MAGI2: variants seen among roughly 807,000 people sequenced by gnomAD.
The protein encoded by MAGI2 is membrane associated guanylate kinase, WW and PDZ domain containing 2, also known as membrane-associated guanylate kinase, WW and PDZ domain-containing protein 2.
A neutral mutation model predicts 133.3 loss-of-function variants in MAGI2; 35 were observed. That is an observed-to-expected ratio of 0.26 (90% confidence interval 0.20 to 0.35). MAGI2 has a LOEUF of 0.35. MAGI2 is among the 10% of genes least tolerant of loss of function. MAGI2 has a pLI of 1.00. For missense variants in MAGI2, 1,636 were observed against 1,863.4 expected (o/e 0.88, Z 2.25); for synonymous variants, 729 against 710.6 (o/e 1.03, Z -0.41).
intron 1 of MAGI2, among the ~76,000 whole-genome samples, chr7:79,032,631 T>A (rs1810713552): frequency 1.3e-5 from 2 of 152,080 alleles, no homozygotes; most frequent in African/African-American, 4.8e-5. Context: ...TGTTAATTTT[T>A]AAAAATATGT....
intron 2 of MAGI2, among the ~76,000 whole-genome samples, chr7:78,825,789 A>G (rs887721880): frequency 6.6e-6 from 1 of 152,174 alleles, no homozygotes; most frequent in African/African-American, 2.4e-5. Flanking sequence ...ATCTGTAAGC[A>G]ATGGTATTGG....
rs185905210 is a variant in MAGI2 at position 78,641,043 on chromosome 7, C to A, written c.419-13804G>T. On this transcript the variant is annotated intron_variant, in intron 2 of 21. Coordinates refer to ENST00000354212, the MANE Select transcript of MAGI2 (RefSeq NM_012301.4). Reference sequence around the variant, plus strand: ...ATCTGATGGTTTTATAAGATGCTTCCCTGTTTGCTGGTCACTCATTATTCT... The same window carrying A: ...ATCTGATGGTTTTATAAGATGCTTCACTGTTTGCTGGTCACTCATTATTCT... Among the ~76,000 whole-genome samples, 343 of 152,178 alleles carry A rather than the reference C, an allele frequency of 2.3e-3. 2 individuals are homozygous for A. Among genetic ancestry groups the A allele is most frequent in the Non-Finnish European group, 4.1e-3 (280 of 68,002 alleles).
chr7:78,594,721 G>T (rs2150857420), intron 3 of MAGI2, among the ~76,000 whole-genome samples: 1 of 152,250 alleles, frequency 6.6e-6, no homozygotes, highest in Non-Finnish European at 1.5e-5. Context: ...CTCCCAAAGT[G>T]TTGGGATTAC....
chr7:79,373,968 T>G (rs1843216095), intron 1 of MAGI2, among the ~76,000 whole-genome samples: 1 of 152,036 alleles, frequency 6.6e-6, no homozygotes, highest in Non-Finnish European at 1.5e-5. Context: ...TTGTATAATA[T>G]TATGCACCAG....
At position 79,152,838 on chromosome 7, in the gene MAGI2, A is replaced by AT. The variant is rs964793079; in HGVS notation, c.302-145633dup. On this transcript the variant is annotated intron_variant, in intron 1 of 21. Coordinates refer to ENST00000354212, the MANE Select transcript of MAGI2 (RefSeq NM_012301.4). ...GTAGAGCTTATTGTAGAGAACTTTC[A>AT]TCTCTATCTCCAGTTGTAGGATAAA... Among the ~76,000 whole-genome samples, 7 of 152,322 alleles carry AT rather than the reference A, an allele frequency of 4.6e-5. 1 individual carries two copies. In the Middle Eastern group the frequency reaches 0.024, roughly 518 times the overall value.
At chr7:78,729,829 A>G (rs1262130413) in intron 2 of MAGI2, among the ~76,000 whole-genome samples, 3 of 152,212 alleles carry the variant, frequency 2.0e-5, no homozygotes, top group Non-Finnish European at 4.4e-5. Context: ...TTGAGAGACC[A>G]AGAGTTCTGA....
At position 78,805,335 on chromosome 7, in the gene MAGI2, G is replaced by A. The variant is rs981514542; in HGVS notation, c.419-178096C>T. On this transcript the variant is annotated intron_variant, in intron 2 of 21. Transcript: ENST00000354212. Reference sequence around the variant, plus strand: ...ACTAATATTTCTTATTATCACTTATGGGTGCTCATTTAATCATGTTCTTTC... The same window carrying A: ...ACTAATATTTCTTATTATCACTTATAGGTGCTCATTTAATCATGTTCTTTC... Among the ~76,000 whole-genome samples the A allele has an allele frequency of 7.3e-5, 11 of 150,712 alleles. No homozygotes were observed. The South Asian group carries it at 2.3e-3, about 32-fold the overall frequency.
intron 2 of MAGI2, among the ~76,000 whole-genome samples, chr7:78,863,856 A>T (rs1794345378): frequency 6.6e-6 from 1 of 152,040 alleles, no homozygotes; most frequent in South Asian, 2.1e-4. Context: ...TGCCCTTTAT[A>T]CTCCCTTTAA....
intron 10 of MAGI2, among the ~76,000 whole-genome samples, chr7:78,235,954 A>T (rs115988643): frequency 0.015 from 2,240 of 152,038 alleles, 64 homozygotes; most frequent in African/African-American, 0.051. Context: ...AGCAGCACAT[A>T]TTATACTAGA....
At chr7:78,817,142 G>A (rs544803983) in intron 2 of MAGI2, among the ~76,000 whole-genome samples, 25 of 152,260 alleles carry the variant, frequency 1.6e-4, no homozygotes, top group Non-Finnish European at 2.6e-4. Flanking sequence ...CAGATATGGT[G>A]GAAATATCAA....
At chr7:79,416,857 C>T (rs1846566460) in intron 1 of MAGI2, among the ~76,000 whole-genome samples, 1 of 151,192 alleles carries the variant, frequency 6.6e-6, no homozygotes, top group South Asian at 2.1e-4. Flanking sequence ...GCCTTAGCCT[C>T]CCAAGTAGCT....
At chr7:78,539,820 G>A (rs1424587167) in intron 3 of MAGI2, among the ~76,000 whole-genome samples, 1 of 152,162 alleles carries the variant, frequency 6.6e-6, no homozygotes, top group East Asian at 1.9e-4. Flanking sequence ...AGGACTGTGA[G>A]GGTCCTTAGT....
At chr7:78,381,987 A>C (rs1326276408) in intron 6 of MAGI2, among the ~76,000 whole-genome samples, 1 of 152,220 alleles carries the variant, frequency 6.6e-6, no homozygotes, top group Admixed American at 6.5e-5. Context: ...TTAAGCAAAC[A>C]AACAAAGTTA....
chr7:79,193,958 T>TTTTG (rs375098993), intron 1 of MAGI2, among the ~76,000 whole-genome samples: 4,132 of 151,946 alleles, frequency 0.027, 81 homozygotes, highest in East Asian at 0.04. Flanking sequence ...GAAAATCTTT[T>TTTTG]TTTGTTTGTT....
At chr7:79,135,938 C>CGAAAGAAAGAAAGAAAGAAA (rs869064064) in intron 1 of MAGI2, among the ~76,000 whole-genome samples, 5 of 63,062 alleles carry the variant, frequency 7.9e-5, no homozygotes, top group African/African-American at 3.6e-4. Flanking sequence ...AAAATCCTCT[C>CGAAAGAAAGAAAGAAAGAAA]GAAAGAAAGA....
chr7:79,254,630 G>A (rs1387792952), intron 1 of MAGI2, among the ~76,000 whole-genome samples: 2 of 152,150 alleles, frequency 1.3e-5, no homozygotes, highest in Non-Finnish European at 2.9e-5. Context: ...GAACAAAAAT[G>A]CCACCTTAAT....
chr7:78,297,892 G>A (rs1408235381), intron 9 of MAGI2, among the ~76,000 whole-genome samples: 1 of 148,594 alleles, frequency 6.7e-6, no homozygotes, highest in Non-Finnish European at 1.5e-5. Flanking sequence ...GCTAGGTGAC[G>A]AGTTAGTGGG....
intron 12 of MAGI2, among the ~76,000 whole-genome samples, chr7:78,191,140 AC>A (rs1182634892): frequency 6.6e-6 from 1 of 152,114 alleles, no homozygotes; most frequent in Non-Finnish European, 1.5e-5. Flanking sequence ...ATTGATTAAA[AC>A]TTTTTTAGGG....
At chr7:78,073,924 G>T (rs1343680375) in intron 21 of MAGI2, among the ~76,000 whole-genome samples, 1 of 152,180 alleles carries the variant, frequency 6.6e-6, no homozygotes, top group Non-Finnish European at 1.5e-5. Flanking sequence ...TGTATCAGGG[G>T]AGGGGAACTC....
Sources: allele counts gnomAD v4.1 joint callset (sites outside exome capture counted in the v4.1 genomes callset), GRCh38; gene constraint gnomAD v4.1.1; transcripts MANE v1.5; gene names NCBI Gene and HGNC (gene_info 2026-07-23, HGNC 2026-07-21).